Variants in FGF1 observed in about 807,000 individuals in gnomAD.
FGF1 encodes the protein beta-endothelial cell growth factor.
In FGF1, 9 loss-of-function variants were observed where a neutral mutation model predicts 13.4. That is an observed-to-expected ratio of 0.67 (90% CI 0.40 to 1.17). The LOEUF is 1.17. FGF1 is among the 50% of genes most tolerant of loss of function. The pLI is 0.01. For missense variants in FGF1, 156 were observed against 192.7 expected, an observed-to-expected ratio of 0.81 and a Z score of 1.13; for synonymous variants, 93 against 79.0, an observed-to-expected ratio of 1.18 and a Z score of -0.94.
chr5:142,638,912 G>C lies in FGF1; in HGVS notation c.-34-24751C>G, dbSNP rs572715302. ...GACATACAAATGGCCAGCAGGTACA[G>C]GTAAAAATGCTCAACATTGCTAATC... On this transcript the variant is annotated intron_variant, in intron 1 of 3. Transcript: ENST00000337706. Among the ~76,000 whole-genome samples, 125 of 152,072 alleles carry C rather than the reference G, an allele frequency of 8.2e-4. 2 individuals are homozygous for C. The highest frequency in any genetic ancestry group is 3.4e-3 in the Middle Eastern group (1 of 294).
chr5:142,608,967 T>A (rs970327739), intron 2 of FGF1, among the ~76,000 whole-genome samples: 4 of 152,024 alleles, frequency 2.6e-5, no homozygotes, highest in Non-Finnish European at 4.4e-5. Context: ...TCTCTCTGAC[T>A]TCTGGCAGTG....
Position 142,620,133 on chromosome 5 carries a change from C to T in FGF1, c.-34-5972G>A, listed in dbSNP as rs191484468. Among the ~76,000 whole-genome samples the T allele has an allele frequency of 5.3e-5, 8 of 151,764 alleles. No individual in the cohort carries two copies. In the East Asian group the frequency reaches 1.6e-3, roughly 29 times the overall value. On this transcript the variant is annotated intron_variant, in intron 1 of 3. Transcript: ENST00000337706. Reference sequence around the variant, plus strand: ...CAAATGTTAACAAAAAAATTGAAAACTCGGCTGGGCGCGGTGGCTCACGCC... The same window carrying T: ...CAAATGTTAACAAAAAAATTGAAAATTCGGCTGGGCGCGGTGGCTCACGCC...
chr5:142,667,402 C>T (rs1468151757), intron 1 of FGF1, among the ~76,000 whole-genome samples: 3 of 150,590 alleles, frequency 2.0e-5, no homozygotes, highest in East Asian at 2.0e-4. Context: ...CTGGCTAACT[C>T]GGTGAAACCC....
intron 1 of FGF1, among the ~76,000 whole-genome samples, chr5:142,620,214 G>C (rs995226907): frequency 6.6e-6 from 1 of 152,060 alleles, no homozygotes; most frequent in African/African-American, 2.4e-5. Context: ...TAAGGAGATC[G>C]AGACCATCCT....
chr5:142,598,276 G>A (rs1488063086), intron 3 of FGF1, among the ~76,000 whole-genome samples: 1 of 152,190 alleles, frequency 6.6e-6, no homozygotes, highest in Non-Finnish European at 1.5e-5. Flanking sequence ...TACTGGAGGA[G>A]TTGACACACA....
intron 1 of FGF1, among the ~76,000 whole-genome samples, chr5:142,637,201 T>G (rs775133664): frequency 5.9e-5 from 9 of 151,966 alleles, no homozygotes; most frequent in African/African-American, 1.2e-4. Context: ...TAAACTCGAA[T>G]TTTAAAATCC....
At chr5:142,617,583 A>G (rs562397095) in intron 1 of FGF1, among the ~76,000 whole-genome samples, 43 of 152,252 alleles carry the variant, frequency 2.8e-4, no homozygotes, top group Non-Finnish European at 2.1e-4. Context: ...AGGGAGCATC[A>G]TGAGGGTGCC....
intron 1 of FGF1, among the ~76,000 whole-genome samples, chr5:142,646,709 G>A (rs1472482907): frequency 6.6e-6 from 1 of 151,974 alleles, no homozygotes; most frequent in African/African-American, 2.4e-5. Context: ...GGCCTGGCTG[G>A]TCTTGAACTC....
At chr5:142,596,753 A>G (rs1755367472) in intron 3 of FGF1, among the ~76,000 whole-genome samples, 1 of 148,796 alleles carries the variant, frequency 6.7e-6, no homozygotes, top group African/African-American at 2.6e-5. Context: ...TCTAAAGAGT[A>G]ATAAAAATGC....
chr5:142,670,262 C>T (rs1445597724), intron 1 of FGF1, among the ~76,000 whole-genome samples: 1 of 152,178 alleles, frequency 6.6e-6, no homozygotes, highest in East Asian at 1.9e-4. Flanking sequence ...CTTCCACATC[C>T]CAGCAATCTG....
intron 2 of FGF1, among the ~76,000 whole-genome samples, chr5:142,691,505 C>T (rs1048463604): frequency 2.8e-4 from 43 of 151,980 alleles, no homozygotes; most frequent in African/African-American, 1.0e-3. Flanking sequence ...CTTACTTGTT[C>T]TGTCTCCCCT....
chr5:142,623,852 G>A (rs535527941), intron 1 of FGF1, among the ~76,000 whole-genome samples: 1 of 149,896 alleles, frequency 6.7e-6, no homozygotes, highest in South Asian at 2.1e-4. Context: ...GGGCTCAAGC[G>A]ATCCTCCCAC....
chr5:142,692,200 G>T (rs984315377), intron 2 of FGF1, among the ~76,000 whole-genome samples: 1 of 152,188 alleles, frequency 6.6e-6, no homozygotes, highest in Non-Finnish European at 1.5e-5. Flanking sequence ...AGCTGGGTGT[G>T]GTGGCATGTG....
intron 1 of FGF1, among the ~76,000 whole-genome samples, chr5:142,624,931 A>G: frequency 6.6e-6 from 1 of 152,250 alleles, no homozygotes; most frequent in Non-Finnish European, 1.5e-5. Flanking sequence ...TAATACTTAT[A>G]TAATCTGGTA....
chr5:142,606,773 GA>G (rs1278855157), intron 2 of FGF1, among the ~76,000 whole-genome samples: 1 of 152,092 alleles, frequency 6.6e-6, no homozygotes, highest in Non-Finnish European at 1.5e-5. Context: ...AGGAATTGAG[GA>G]AATGTTTCCT....
At chr5:142,632,043 A>G (rs1256680946) in intron 1 of FGF1, among the ~76,000 whole-genome samples, 1 of 152,134 alleles carries the variant, frequency 6.6e-6, no homozygotes, top group African/African-American at 2.4e-5. Flanking sequence ...GGCCTCCCAA[A>G]GTGCTGTGAT....
chr5:142,672,347 T>C (rs1249191844), intron 1 of FGF1, among the ~76,000 whole-genome samples: 1 of 152,122 alleles, frequency 6.6e-6, no homozygotes, highest in Non-Finnish European at 1.5e-5. Flanking sequence ...AACAATTTAA[T>C]TAAACAAATA....
At chr5:142,646,313 C>A (rs1162169876) in intron 1 of FGF1, among the ~76,000 whole-genome samples, 4 of 149,168 alleles carry the variant, frequency 2.7e-5, no homozygotes, top group African/African-American at 4.9e-5. Context: ...GCTGCCTCAG[C>A]CTCCGAAGTA....
intron 1 of FGF1, among the ~76,000 whole-genome samples, chr5:142,683,756 G>T (rs1774156445): frequency 6.8e-6 from 1 of 147,236 alleles, no homozygotes; most frequent in Non-Finnish European, 1.5e-5. Context: ...GGGAGGCGGA[G>T]GTTGCAGTGA....
Sources: allele counts gnomAD v4.1 joint callset (sites outside exome capture counted in the v4.1 genomes callset), GRCh38; gene constraint gnomAD v4.1.1; transcripts MANE v1.5; gene names NCBI Gene and HGNC (gene_info 2026-07-23, HGNC 2026-07-21).